The following CWC22 variants were observed in gnomAD, a reference collection of about 807,000 sequenced individuals.
CWC22 encodes pre-mRNA-splicing factor CWC22 homolog.
In CWC22, 53 loss-of-function variants were observed where a neutral mutation model predicts 117.2. The observed-to-expected ratio is 0.45, with a 90% CI of 0.36 to 0.57. CWC22 has a LOEUF of 0.57. Among genes scored for constraint, CWC22 ranks in the 20% least tolerant of loss-of-function variants. CWC22 has a pLI of 0.00. For missense variants in CWC22, 980 were observed against 1,068.8 expected (o/e 0.92, Z 1.16); for synonymous variants, 360 against 355.6 (o/e 1.01, Z -0.14).
intron 2 of CWC22, among the ~76,000 whole-genome samples, chr2:179,990,542 CAGACAG>C (rs1389958324): frequency 6.2e-5 from 4 of 64,704 alleles, no homozygotes; most frequent in African/African-American, 3.2e-4. Flanking sequence ...GTGAGTGAGA[CAGACAG>C]AGAGAGAGAG....
intron 15 of CWC22, 148 bp downstream of exon 15, chr2:179,954,809 A>G (rs1172853069): frequency 3.5e-6 from 2 of 572,432 alleles, no homozygotes; most frequent in Non-Finnish European, 6.2e-6. Flanking sequence ...GAGGAAGGTG[A>G]AGAGAGTGGG....
intron 4 of CWC22, among the ~76,000 whole-genome samples, chr2:179,983,819 A>G (rs935806709): frequency 5.3e-5 from 8 of 152,110 alleles, no homozygotes; most frequent in African/African-American, 1.9e-4. Flanking sequence ...TTTGCAACTG[A>G]ATTGCTTCTT....
chr2:179,971,130 ATTATTT>A lies in CWC22; in HGVS notation c.805-60_805-55del, dbSNP rs1362419521. 1.3e-5 allele frequency: 16 copies of A among 1,199,630 alleles called. No individual in the cohort carries two copies. In the East Asian group the frequency reaches 4.0e-4, roughly 30 times the overall value. 74.3% of individuals were successfully genotyped at this position (1,199,630 alleles called of 1,614,324 possible). ...AACAAAATGCTTTTACATACATTAA[ATTATTT>A]TTATAATTTCTAAAAATTAGTAAAT... On this transcript the variant is annotated intron_variant, in intron 8 of 19. Transcript: ENST00000410053.
At chr2:179,991,673 C>A (rs752352152) in intron 2 of CWC22, among the ~76,000 whole-genome samples, 1 of 152,118 alleles carries the variant, frequency 6.6e-6, no homozygotes, top group African/African-American at 2.4e-5. Flanking sequence ...AAGATCTGAG[C>A]GCTCTTGTCT....
At chr2:179,977,090 A>AG (rs1687172465) in intron 6 of CWC22, among the ~76,000 whole-genome samples, 1 of 152,186 alleles carries the variant, frequency 6.6e-6, no homozygotes, top group Non-Finnish European at 1.5e-5. Flanking sequence ...CAGCAATTCA[A>AG]GGGGGCAGTG....
chr2:179,956,408 T>C (rs1686592202), intron 14 of CWC22, among the ~76,000 whole-genome samples: 1 of 151,508 alleles, frequency 6.6e-6, no homozygotes, highest in South Asian at 2.1e-4. Context: ...AAGCCACATG[T>C]GACTAGCGAC....
intron 2 of CWC22, 28 bp downstream of exon 2, chr2:179,993,287 T>C: frequency 6.7e-7 from 1 of 1,492,968 alleles, no homozygotes; most frequent in Non-Finnish European, 9.2e-7. Flanking sequence ...TAAGTTTACA[T>C]CCTCCATTTT....
intron 1 of CWC22, among the ~76,000 whole-genome samples, chr2:180,004,984 C>A (rs1453490161): frequency 6.7e-6 from 1 of 149,902 alleles, no homozygotes; most frequent in Non-Finnish European, 1.5e-5. Flanking sequence ...AGCAGAAGTT[C>A]TCAAACTAAT....
chr2:179,981,629 A>G (rs1687290150), intron 5 of CWC22, 123 bp downstream of exon 5: 1 of 734,794 alleles, frequency 1.4e-6, no homozygotes, highest in Non-Finnish European at 2.2e-6. Context: ...GAGGTCTCTA[A>G]TTTGAGGTCT....
intron 13 of CWC22, among the ~76,000 whole-genome samples, chr2:179,963,135 T>C (rs1303907536): frequency 6.6e-6 from 1 of 151,892 alleles, no homozygotes; most frequent in Non-Finnish European, 1.5e-5. Flanking sequence ...TTCTTTTAAA[T>C]AATTATTCAA....
rs536222906 is a variant in CWC22 at position 179,958,018 on chromosome 2, T to C, written c.1458+1004A>G. Among the ~76,000 whole-genome samples, 5 of 152,254 alleles carry C rather than the reference T, an allele frequency of 3.3e-5. No individual in the cohort carries two copies. The South Asian group carries it at 1.0e-3, about 32-fold the overall frequency. ...TGCCTGACATATAGTATCTGCTGAATACATTTTCATTAAAGGAATTAATGA... is the reference window on the plus strand; with the variant it reads ...TGCCTGACATATAGTATCTGCTGAACACATTTTCATTAAAGGAATTAATGA... On this transcript the variant is annotated intron_variant, in intron 14 of 19. Coordinates refer to ENST00000410053, the MANE Select transcript of CWC22 (RefSeq NM_020943.3).
At chr2:179,958,514 C>T (rs1392750303) in intron 14 of CWC22, among the ~76,000 whole-genome samples, 3 of 151,888 alleles carry the variant, frequency 2.0e-5, no homozygotes, top group South Asian at 2.1e-4. Context: ...TGAGGCCCAA[C>T]ACAAATTCAT....
chr2:179,978,541 T>C (rs1283369687), intron 5 of CWC22, among the ~76,000 whole-genome samples: 1 of 152,124 alleles, frequency 6.6e-6, no homozygotes, highest in South Asian at 2.1e-4. Flanking sequence ...TTTTCTTTAA[T>C]AATACAATAA....
At chr2:179,952,002 G>C (rs1686463170) in intron 17 of CWC22, among the ~76,000 whole-genome samples, 1 of 152,014 alleles carries the variant, frequency 6.6e-6, no homozygotes, top group Non-Finnish European at 1.5e-5. Flanking sequence ...AACCTAAGTG[G>C]CAATCTGAAC....
At chr2:179,960,059 T>C (rs949002579) in intron 13 of CWC22, among the ~76,000 whole-genome samples, 1 of 152,124 alleles carries the variant, frequency 6.6e-6, no homozygotes, top group African/African-American at 2.4e-5. Flanking sequence ...TGTAAGTTTC[T>C]CTCATTTCTG....
chr2:180,006,331 T>A lies in CWC22; in HGVS notation c.-114+536A>T, dbSNP rs190781428. ...CAGTTAAACTCAGTGAAATTAACTA[T>A]TATATTTCCGTTATATAATGCTGTG... On this transcript the variant is annotated intron_variant, in intron 1 of 19. Transcript: ENST00000410053. Among the ~76,000 whole-genome samples, 411 of 152,328 alleles carry A rather than the reference T, an allele frequency of 2.7e-3. 2 individuals are homozygous for A. Among genetic ancestry groups the A allele is most frequent in the Non-Finnish European group, 3.4e-3 (231 of 68,024 alleles).
chr2:179,956,786 T>G (rs1686602400), intron 14 of CWC22, among the ~76,000 whole-genome samples: 1 of 148,644 alleles, frequency 6.7e-6, no homozygotes, highest in Admixed American at 6.7e-5. Flanking sequence ...ACTTTCAACT[T>G]TTTTTTTTTA....
At chr2:179,980,762 T>C (rs879606769) in intron 5 of CWC22, among the ~76,000 whole-genome samples, 2 of 152,170 alleles carry the variant, frequency 1.3e-5, no homozygotes, top group Non-Finnish European at 1.5e-5. Flanking sequence ...AAAACACTCA[T>C]GAAAAGATGT....
At chr2:179,991,375 T>C (rs893052531) in intron 2 of CWC22, among the ~76,000 whole-genome samples, 1 of 152,126 alleles carries the variant, frequency 6.6e-6, no homozygotes, top group Admixed American at 6.5e-5. Flanking sequence ...GAGCTGAGTT[T>C]CACCTAAAGA....
Sources: allele counts gnomAD v4.1 joint callset (sites outside exome capture counted in the v4.1 genomes callset), GRCh38; gene constraint gnomAD v4.1.1; transcripts MANE v1.5; gene names NCBI Gene and HGNC (gene_info 2026-07-23, HGNC 2026-07-21).